LUZP2: variants seen among roughly 807,000 people sequenced by gnomAD.
LUZP2 encodes the protein leucine zipper protein 2.
LUZP2 carries 52 observed loss-of-function variants against 51.6 expected under a neutral mutation model. The ratio of observed to expected loss-of-function variants is 1.01; its 90% CI spans 0.81 to 1.27. The LOEUF is 1.27. Among genes scored for constraint, LUZP2 ranks in the 50% most tolerant of loss-of-function variants. LUZP2 has a pLI of 0.00. For synonymous variants in LUZP2, 154 were observed against 137.3 expected, an observed-to-expected ratio of 1.12 and a Z score of -0.85; for missense variants, 436 against 395.4, an observed-to-expected ratio of 1.10 and a Z score of -0.87.
intron 5 of LUZP2, among the ~76,000 whole-genome samples, chr11:24,812,396 T>A (rs916403908): frequency 6.6e-6 from 1 of 152,160 alleles, no homozygotes; most frequent in Non-Finnish European, 1.5e-5. Context: ...TCTCAGCTCA[T>A]TGTTTACTAG....
chr11:24,514,604 A>C (rs545753096), intron 1 of LUZP2, among the ~76,000 whole-genome samples: 5 of 152,222 alleles, frequency 3.3e-5, no homozygotes, highest in Non-Finnish European at 7.3e-5. Flanking sequence ...ATACAGAACC[A>C]ACTGAATGGA....
chr11:24,678,790 A>G (rs77951712), intron 1 of LUZP2, among the ~76,000 whole-genome samples: 2,116 of 152,332 alleles, frequency 0.014, 51 homozygotes, highest in African/African-American at 0.047. Flanking sequence ...ACGTCGCCCA[A>G]TGTTAATTTA....
chr11:24,817,033 A>G (rs1850204979), intron 5 of LUZP2, among the ~76,000 whole-genome samples: 1 of 152,034 alleles, frequency 6.6e-6, no homozygotes, highest in Admixed American at 6.6e-5. Flanking sequence ...ATCATTTGAG[A>G]ACAGTAAATG....
chr11:24,845,056 A>G (rs549870017), intron 5 of LUZP2, among the ~76,000 whole-genome samples: 1 of 152,260 alleles, frequency 6.6e-6, no homozygotes, highest in South Asian at 2.1e-4. Flanking sequence ...GAGGGCCACC[A>G]TCCTCCAGAC....
chr11:24,961,229 T>A (rs1297469187), intron 7 of LUZP2, among the ~76,000 whole-genome samples: 1 of 152,182 alleles, frequency 6.6e-6, no homozygotes, highest in Non-Finnish European at 1.5e-5. Flanking sequence ...TTCTGTTGAT[T>A]TGGGGTGGAG....
intron 9 of LUZP2, among the ~76,000 whole-genome samples, chr11:25,003,378 A>G (rs1359525353): frequency 1.3e-5 from 2 of 152,142 alleles, no homozygotes; most frequent in Non-Finnish European, 2.9e-5. Flanking sequence ...AGTGCAGGCG[A>G]ATACAGAAGA....
intron 9 of LUZP2, among the ~76,000 whole-genome samples, chr11:24,988,669 C>A (rs1012909331): frequency 1.3e-5 from 2 of 151,980 alleles, no homozygotes; most frequent in African/African-American, 2.4e-5. Flanking sequence ...TTATAAGATT[C>A]TTTTAACAGC....
At chr11:24,927,738 T>C (rs747066278) in intron 7 of LUZP2, among the ~76,000 whole-genome samples, 2 of 152,000 alleles carry the variant, frequency 1.3e-5, no homozygotes, top group East Asian at 3.9e-4. Flanking sequence ...TTTGGTTCCA[T>C]ATAAATTTTA....
At chr11:25,043,388 A>T (rs1057063228) in intron 9 of LUZP2, among the ~76,000 whole-genome samples, 1 of 152,072 alleles carries the variant, frequency 6.6e-6, no homozygotes, top group Non-Finnish European at 1.5e-5. Context: ...AGTAAATCAT[A>T]CATCTTCAAG....
intron 1 of LUZP2, among the ~76,000 whole-genome samples, chr11:24,718,584 T>G (rs543986380): frequency 6.6e-6 from 1 of 152,220 alleles, no homozygotes; most frequent in East Asian, 1.9e-4. Context: ...ATTGGTGATT[T>G]CTGGAAGCAC....
intron 4 of LUZP2, among the ~76,000 whole-genome samples, chr11:24,751,122 G>A (rs1029547041): frequency 3.3e-5 from 5 of 151,824 alleles, no homozygotes; most frequent in South Asian, 2.1e-4. Context: ...TATTTATATT[G>A]TTACTACCAA....
At chr11:24,829,127 G>A (rs1417682108) in intron 5 of LUZP2, among the ~76,000 whole-genome samples, 1 of 152,176 alleles carries the variant, frequency 6.6e-6, no homozygotes, top group Admixed American at 6.5e-5. Context: ...AGATAAACAG[G>A]AGGAAGCAGA....
chr11:24,826,167 C>A (rs1338299522), intron 5 of LUZP2, among the ~76,000 whole-genome samples: 1 of 65,202 alleles, frequency 1.5e-5, no homozygotes, highest in Non-Finnish European at 2.8e-5. Flanking sequence ...CAGAGCGAGA[C>A]TCCATCTCAA....
chr11:24,843,791 T>C (rs1018711721), intron 5 of LUZP2, among the ~76,000 whole-genome samples: 15 of 152,090 alleles, frequency 9.9e-5, no homozygotes, highest in African/African-American at 3.6e-4. Flanking sequence ...CTCATGATAG[T>C]GAATGAGTCT....
At chr11:24,879,138 T>G (rs2403990) in intron 5 of LUZP2, among the ~76,000 whole-genome samples, 73,833 of 151,666 alleles carry the variant, frequency 0.49, 18,431 homozygotes, top group East Asian at 0.69. Context: ...TACAGACAGG[T>G]TTTCACTGTG....
intron 7 of LUZP2, among the ~76,000 whole-genome samples, chr11:24,974,011 G>A (rs1392033857): frequency 2.6e-5 from 4 of 151,922 alleles, no homozygotes; most frequent in Non-Finnish European, 5.9e-5. Flanking sequence ...TCTTGGTGAT[G>A]TGTCTAATAT....
intron 1 of LUZP2, among the ~76,000 whole-genome samples, chr11:24,717,290 C>T (rs909565602): frequency 6.6e-6 from 1 of 150,966 alleles, no homozygotes; most frequent in East Asian, 1.9e-4. Context: ...AATTTTTTTT[C>T]TTATTTTAAA....
chr11:24,759,680 A>G (rs1182064273), intron 4 of LUZP2, among the ~76,000 whole-genome samples: 1 of 152,216 alleles, frequency 6.6e-6, no homozygotes, highest in Non-Finnish European at 1.5e-5. Context: ...ATAACTAAAG[A>G]CAAATCTGTA....
At chr11:24,815,010 A>AT (rs1564930036) in intron 5 of LUZP2, among the ~76,000 whole-genome samples, 1 of 150,306 alleles carries the variant, frequency 6.7e-6, no homozygotes, top group African/African-American at 2.5e-5. Flanking sequence ...AAAAAAATAA[A>AT]AATAATCAAT....
Sources: allele counts gnomAD v4.1 joint callset (sites outside exome capture counted in the v4.1 genomes callset), GRCh38; gene constraint gnomAD v4.1.1; transcripts MANE v1.5; gene names NCBI Gene and HGNC (gene_info 2026-07-23, HGNC 2026-07-21).